Variants in LIPA observed in about 807,000 individuals in gnomAD.
The protein encoded by LIPA is lysosomal acid lipase/cholesteryl ester hydrolase.
In LIPA, 26 loss-of-function variants were observed where a neutral mutation model predicts 40.6. The observed-to-expected ratio is 0.64, with a 90% CI of 0.47 to 0.89. LIPA has a LOEUF of 0.89. Ranked by LOEUF, LIPA falls within the 40% of genes least tolerant of loss-of-function variation. LIPA has a pLI of 0.00. For missense variants in LIPA, 455 were observed against 479.6 expected (o/e 0.95, Z 0.48); for synonymous variants, 188 against 168.4 (o/e 1.12, Z -0.90).
At chr10:89,306,222 C>T in intron 1 of LIPA, 1 of 1,614,112 alleles carries the variant, frequency 6.2e-7, no homozygotes, top group Non-Finnish European at 8.5e-7. Flanking sequence ...GCTGACCAGG[C>T]AGAAATCAGA....
chr10:89,405,674 G>A (rs1444782621), intron 2 of LIPA: 2 of 152,200 alleles, frequency 1.3e-5, no homozygotes, highest in Non-Finnish European at 2.9e-5. Flanking sequence ...AACCAACAGT[G>A]TAGTAGCCTC....
In LIPA at chr10:89,378,172, T is replaced by C. The variant is rs199801405; in HGVS notation, c.61+34619A>G. On this transcript the variant is annotated intron_variant, in intron 2 of 8. Transcript: ENST00000371837. The stretch of plus-strand genomic sequence containing the variant: ...TCTTTCTCTGCTTCACTGACCTTAT[T>C]TCTGCACACTTTGAAATTCTAAAAC... 5.9e-5 allele frequency: 95 copies of C among 1,612,234 alleles called. No homozygotes were observed. In the Middle Eastern group the frequency reaches 1.2e-3, roughly 20 times the overall value.
rs935485970 is a variant in LIPA at position 89,354,755 on chromosome 10, A to T, written c.61+58036T>A. 3.3e-5 allele frequency among the ~76,000 whole-genome samples: 5 copies of T among 152,286 alleles called. No homozygotes were observed. The East Asian group carries it at 9.6e-4, about 29-fold the overall frequency. The stretch of plus-strand genomic sequence containing the variant: ...GCTAATTTTTGTATTTTTAGTAGAC[A>T]TGGGGTTTCACCGTCTTGGCCAGGC... On this transcript the variant is annotated intron_variant, in intron 2 of 8. Transcript: ENST00000371837.
intron 1 of LIPA, among the ~76,000 whole-genome samples, chr10:89,301,308 G>T (rs1254488969): frequency 6.6e-6 from 1 of 152,162 alleles, no homozygotes; most frequent in African/African-American, 2.4e-5. Context: ...AGGTTGTTTT[G>T]CAGGGACTGG....
At chr10:89,401,243 A>G (rs1158984424) in intron 2 of LIPA, among the ~76,000 whole-genome samples, 6 of 151,852 alleles carry the variant, frequency 4.0e-5, no homozygotes, top group African/African-American at 9.7e-5. Flanking sequence ...CAGCCTCCGA[A>G]GTAGCTGGGA....
intron 2 of LIPA, among the ~76,000 whole-genome samples, chr10:89,390,620 A>G (rs953484829): frequency 3.3e-5 from 5 of 152,156 alleles, no homozygotes; most frequent in African/African-American, 1.2e-4. Flanking sequence ...ACACACACAC[A>G]CACGCGCGCG....
chr10:89,403,522 A>C, intron 2 of LIPA: 1 of 1,613,854 alleles, frequency 6.2e-7, no homozygotes, highest in East Asian at 2.2e-5. Context: ...TTAACAAGGG[A>C]TAAAAGTATC....
chr10:89,243,532 C>T lies in LIPA; in HGVS notation c.229+2144G>A, dbSNP rs140677191. 4.0e-3 allele frequency among the ~76,000 whole-genome samples: 607 copies of T among 152,212 alleles called. 6 individuals are homozygous for T. Among genetic ancestry groups the T allele is most frequent in the African/African-American group, 0.013 (558 of 41,500 alleles). ...TAAAGACCTAGACTCTCCACTCTCC[C>T]AATCCCCAACCCTCTTGCCAAAAAT... On this transcript the variant is annotated intron_variant, in intron 3 of 9. Transcript: ENST00000336233.
rs181473813 is a variant in LIPA at position 89,366,628 on chromosome 10, C to G, written c.61+46163G>C. 2.6e-5 allele frequency among the ~76,000 whole-genome samples: 4 copies of G among 152,262 alleles called. No individual in the cohort carries two copies. The East Asian group carries it at 7.7e-4, about 29-fold the overall frequency. ...TGCAAATCAAAACCACAGTGAGATA[C>G]TATCTCACACCAGTTAGAATGGCCA... is the stretch of plus-strand genomic sequence containing the variant. On this transcript the variant is annotated intron_variant, in intron 2 of 8. Coordinates refer to the LIPA transcript ENST00000371837.
At chr10:89,255,779 T>G (rs1248048832), upstream of LIPA, among the ~76,000 whole-genome samples, 1 of 152,164 alleles carries the variant, frequency 6.6e-6, no homozygotes, top group African/African-American at 2.4e-5. Flanking sequence ...CTAGATGTGT[T>G]GGTTTTGAGA....
intron 2 of LIPA, among the ~76,000 whole-genome samples, chr10:89,374,797 C>T (rs1196680129): frequency 6.6e-6 from 1 of 152,134 alleles, no homozygotes; most frequent in African/African-American, 2.4e-5. Context: ...TCTCTTCTCC[C>T]CCTACACAGG....
chr10:89,279,946 G>A (rs990282735), intron 1 of LIPA, among the ~76,000 whole-genome samples: 4 of 151,944 alleles, frequency 2.6e-5, no homozygotes, highest in Non-Finnish European at 4.4e-5. Flanking sequence ...GTACAAAGAC[G>A]GACATACAGT....
chr10:89,224,577 A>G (rs1842742816), intron 6 of LIPA, among the ~76,000 whole-genome samples: 1 of 152,178 alleles, frequency 6.6e-6, no homozygotes, highest in Non-Finnish European at 1.5e-5. Context: ...CATGAAATCT[A>G]TTTCCTCCCT....
intron 2 of LIPA, chr10:89,384,196 T>C: frequency 6.2e-7 from 1 of 1,614,122 alleles, no homozygotes; most frequent in Non-Finnish European, 8.5e-7. Context: ...GGGGCTTTGC[T>C]ACAGGGCACA....
Position 89,306,150 on chromosome 10 carries a change from G to A in LIPA, c.-2+36461C>T. The stretch of plus-strand genomic sequence containing the variant: ...CTGGCCTATCTAAAGCACCTCAAAG[G>A]GCAAAACGAGGCAGCCCTGGAATGC... On this transcript the variant is annotated intron_variant, in intron 1 of 5. Coordinates refer to the LIPA transcript ENST00000282673. 6.2e-7 allele frequency: 1 copy of A among 1,614,066 alleles called. No individual in the cohort carries two copies. Among genetic ancestry groups the A allele is most frequent in the Non-Finnish European group, 8.5e-7 (1 of 1,179,980 alleles).
chr10:89,397,279 C>G (rs1844357789), intron 2 of LIPA, among the ~76,000 whole-genome samples: 1 of 151,790 alleles, frequency 6.6e-6, no homozygotes, highest in South Asian at 2.1e-4. Context: ...GAGATAGATT[C>G]TGAGGAGTGG....
At chr10:89,236,448 G>A (rs1049134851) in intron 3 of LIPA, among the ~76,000 whole-genome samples, 2 of 152,190 alleles carry the variant, frequency 1.3e-5, no homozygotes, top group Admixed American at 6.5e-5. Flanking sequence ...GTTCTCATAT[G>A]TTTTTCATCA....
intron 4 of LIPA, 97 bp downstream of exon 4, chr10:89,228,103 C>G: frequency 9.6e-7 from 1 of 1,041,970 alleles, no homozygotes; most frequent in East Asian, 2.4e-5. Context: ...CATACAACTT[C>G]AGAGTTACCA....
rs1843404448 is a variant in LIPA, at chr10:89,295,020, T to TGAAATGAAAGGAAAG, written c.-1-47372_-1-47371insCTTTCCTTTCATTTC. Reference sequence around the variant, plus strand: ...AAGGAAGAAAGGAAAGGAAATGAAATGAAAGGAAAGGAAAGGAAAGGAAAG... The same window carrying TGAAATGAAAGGAAAG: ...AAGGAAGAAAGGAAAGGAAATGAAATGAAATGAAAGGAAAGGAAAGGAAAGGAAAGGAAAGGAAAG... On this transcript the variant is annotated intron_variant, in intron 1 of 5. Transcript: ENST00000282673. Among the ~76,000 whole-genome samples the TGAAATGAAAGGAAAG allele has an allele frequency of 1.8e-3, 191 of 106,638 alleles. 2 individuals are homozygous for TGAAATGAAAGGAAAG. Among genetic ancestry groups the TGAAATGAAAGGAAAG allele is most frequent in the Non-Finnish European group, 3.1e-3 (163 of 53,274 alleles). The allele number at this position is 106,638 out of a possible 152,430, so 70.0% of individuals were successfully genotyped here.
Sources: allele counts gnomAD v4.1 joint callset (sites outside exome capture counted in the v4.1 genomes callset), GRCh38; gene constraint gnomAD v4.1.1; transcripts MANE v1.5; gene names NCBI Gene and HGNC (gene_info 2026-07-23, HGNC 2026-07-21).